ZNF519: variants seen among roughly 807,000 people sequenced by gnomAD.
ZNF519 encodes zinc finger protein 519.
Under a neutral mutation model 7.4 loss-of-function variants are expected in ZNF519, and 7 were observed. The ratio of observed to expected loss-of-function variants is 0.94; its 90% CI spans 0.54 to 1.77. The LOEUF (loss-of-function observed/expected upper bound fraction) is 1.77. ZNF519 is among the 40% of genes most tolerant of loss of function. The pLI, the probability that ZNF519 is intolerant of heterozygous loss-of-function variation, is 0.00. For synonymous variants in ZNF519, 179 were observed against 203.3 expected, an observed-to-expected ratio of 0.88 and a Z score of 1.02; for missense variants, 586 against 623.1, an observed-to-expected ratio of 0.94 and a Z score of 0.63.
In ZNF519 at chr18:14,106,265, T is replaced by A. The variant is rs1202167442; in HGVS notation, c.275A>T (p.Glu92Val). The change falls in exon 3 of 3, where the codon GAA becomes GTA. Residue 92 changes from glutamate to valine, a missense_variant. Glu to Val is a moderately radical substitution (Grantham distance 121). Transcript: ENST00000590202. ...WKNWESIGEG[E>V]GQKECYNLCS... ...TAGATTATAACATTCCTTTTGTCCT[T>A]CACCTTCACCTATACTTTCCCAGTT... 1.9e-6 allele frequency: 3 copies of A among 1,613,516 alleles called. No individual in the cohort carries two copies.
chr18:14,078,088 C>T (rs946204359), intron 4 of ZNF519: 1 of 152,138 alleles, frequency 6.6e-6, no homozygotes, highest in Non-Finnish European at 1.5e-5. Flanking sequence ...ACCTAGATCC[C>T]TCACATGAGC....
At chr18:14,086,161 A>G (rs903433095) in intron 2 of ZNF519, among the ~76,000 whole-genome samples, 1 of 152,214 alleles carries the variant, frequency 6.6e-6, no homozygotes. Flanking sequence ...CTGGCAATGC[A>G]GTGCTGGCAT....
At chr18:14,118,566 G>A (rs1174275929) in intron 2 of ZNF519, among the ~76,000 whole-genome samples, 4 of 152,152 alleles carry the variant, frequency 2.6e-5, no homozygotes, top group Admixed American at 1.3e-4. Context: ...AAACCTTTGT[G>A]GAGCCAAAGA....
In ZNF519 at chr18:14,103,017, T is replaced by C. The variant is rs1361250205; in HGVS notation, c.*1900A>G. The C allele has an allele frequency of 6.6e-6, 1 of 151,970 alleles. No homozygotes were observed. Among genetic ancestry groups the C allele is most frequent in the African/African-American group, 2.4e-5 (1 of 41,402 alleles). 9.4% of individuals were successfully genotyped at this position (151,970 alleles called of 1,614,324 possible). A position where few individuals can be genotyped will look rare whatever the true frequency, so the allele number is the denominator to read the frequency against. On this transcript the variant is annotated 3_prime_UTR_variant, in exon 3 of 3. Transcript: ENST00000590202. ...AAGAAAAATACGTGAGACATAAAAA[T>C]AGAAAGCAAAATGATGCAAATTCAA... is the stretch of plus-strand genomic sequence containing the variant.
At chr18:14,114,409 A>G (rs2046236256) in intron 2 of ZNF519, among the ~76,000 whole-genome samples, 1 of 152,108 alleles carries the variant, frequency 6.6e-6, no homozygotes, top group African/African-American at 2.4e-5. Context: ...TCCTCAATAT[A>G]TATTCTTGAA....
downstream of ZNF519, among the ~76,000 whole-genome samples, chr18:14,096,442 G>A (rs1014830779): frequency 4.6e-5 from 7 of 152,152 alleles, no homozygotes; most frequent in African/African-American, 1.4e-4. Flanking sequence ...TCATTCCCTC[G>A]TGTATAAAGA....
chr18:14,089,817 T>C (rs1466417910), intron 2 of ZNF519: 1 of 152,196 alleles, frequency 6.6e-6, no homozygotes, highest in Non-Finnish European at 1.5e-5. Flanking sequence ...GCCTATTTTA[T>C]TTGTAAATCT....
chr18:14,072,344 C>T (rs1191218715), downstream of ZNF519: 1 of 152,150 alleles, frequency 6.6e-6, no homozygotes, highest in Non-Finnish European at 1.5e-5. Flanking sequence ...ATCATAGCCA[C>T]CCTTTGTGAA....
intron 1 of ZNF519, among the ~76,000 whole-genome samples, chr18:14,131,609 AAAG>A (rs1467369444): frequency 1.3e-5 from 2 of 152,228 alleles, no homozygotes; most frequent in African/African-American, 4.8e-5. Context: ...CTATGTAAAA[AAAG>A]AAATCTAACT....
chr18:14,124,416 C>G lies in ZNF519; in HGVS notation c.64G>C (p.Asp22His). Residue 22 changes from aspartate to histidine, a missense_variant, in exon 2 of 3, where the codon GAC (aspartate) becomes CAC (histidine). Coordinates refer to ENST00000590202, the MANE Select transcript of ZNF519 (RefSeq NM_145287.4). ...CTATATAAATTCTGTTGGGCAGGGTCTAGGCATTTCCACTCTTCTGGAGAG... is the reference window on the plus strand; with the variant it reads ...CTATATAAATTCTGTTGGGCAGGGTGTAGGCATTTCCACTCTTCTGGAGAG... ...EFSPEEWKCL[D>H]PAQQNLYRDV... 6.2e-7 allele frequency: 1 copy of G among 1,613,022 alleles called. No homozygotes were observed. Among genetic ancestry groups the G allele is most frequent in the Non-Finnish European group, 8.5e-7 (1 of 1,179,738 alleles).
Position 14,105,017 on chromosome 18 carries a change from C to A in ZNF519, c.1523G>T (p.Arg508Ile), listed in dbSNP as rs61609068. 362,255 of 1,607,630 alleles carry A rather than the reference C, an allele frequency of 0.23. 46,471 individuals are homozygous for A. The highest frequency in any genetic ancestry group is 0.67 in the East Asian group (30,036 of 44,720). Residue 508 changes from arginine to isoleucine, a missense_variant, in exon 3 of 3, where the codon AGA (arginine) becomes ATA (isoleucine). Coordinates refer to ENST00000590202, the MANE Select transcript of ZNF519 (RefSeq NM_145287.4). The part of the protein sequence containing the change: ...TRSSHLTQHQ[R>I]IHTGEKPFKC... The stretch of plus-strand genomic sequence containing the variant: ...GAAAGGTTTCTCTCCAGTATGAATT[C>A]TCTGATGTTGAGTAAGGTGTGAGCT...
chr18:14,105,762 T>C lies in ZNF519; in HGVS notation c.778A>G (p.Thr260Ala). 6.2e-7 allele frequency: 1 copy of C among 1,613,862 alleles called. No homozygotes were observed. The highest frequency in any genetic ancestry group is 8.5e-7 in the Non-Finnish European group (1 of 1,179,940). The change falls in exon 3 of 3, where the codon ACT becomes GCT. Residue 260 changes from threonine to alanine, a missense_variant. Thr to Ala is a moderately conservative substitution (Grantham distance 58, BLOSUM62 0). Coordinates refer to ENST00000590202, the MANE Select transcript of ZNF519 (RefSeq NM_145287.4). ...TTATATTTCACTGATTTTTCTCCAG[T>C]GTTAATTATCTTATGTCCCTTTAGA... Reference protein sequence around the residue: ...SHLKGHKIINTGEKSVKYKER... With the variant: ...SHLKGHKIINAGEKSVKYKER...
rs2046153608 is a variant in ZNF519, at chr18:14,100,185, G to A, written c.*4732C>T. The stretch of plus-strand genomic sequence containing the variant: ...AATACATATCAGTCAGTATGGCTAA[G>A]AGGATTTGAAAAAACAGAAATTCAT... On this transcript the variant is annotated 3_prime_UTR_variant, in exon 3 of 3. Coordinates refer to ENST00000590202, the MANE Select transcript of ZNF519 (RefSeq NM_145287.4). 6.6e-6 allele frequency: 1 copy of A among 152,142 alleles called. No homozygotes were observed. Among genetic ancestry groups the A allele is most frequent in the South Asian group, 2.1e-4 (1 of 4,828 alleles). 9.4% of individuals were successfully genotyped at this position (152,142 alleles called of 1,614,324 possible). A position where few individuals can be genotyped will look rare whatever the true frequency, so the allele number is the denominator to read the frequency against.
chr18:14,100,061 A>G lies in ZNF519; in HGVS notation c.*4856T>C, dbSNP rs984195141. The G allele has an allele frequency of 6.6e-6, 1 of 152,214 alleles. No individual in the cohort carries two copies. The highest frequency in any genetic ancestry group is 1.5e-5 in the Non-Finnish European group (1 of 68,040). The allele number at this position is 152,214 out of a possible 1,614,324, so 9.4% of individuals were successfully genotyped here. A position where few individuals can be genotyped will look rare whatever the true frequency, so the allele number is the denominator to read the frequency against. ...AGAAAACATGCAGACATGAATAAACATTTCATCAGAGATAATAGGCAGATG... is the reference window on the plus strand; with the variant it reads ...AGAAAACATGCAGACATGAATAAACGTTTCATCAGAGATAATAGGCAGATG... On this transcript the variant is annotated 3_prime_UTR_variant, in exon 3 of 3. Transcript: ENST00000590202.
rs771051210 is a variant in ZNF519 at position 14,105,141 on chromosome 18, T to C, written c.1399A>G (p.Lys467Glu). 6.2e-7 allele frequency: 1 copy of C among 1,613,962 alleles called. No homozygotes were observed. Among genetic ancestry groups the C allele is most frequent in the Non-Finnish European group, 8.5e-7 (1 of 1,179,930 alleles). ...EKSFKCEECG[K>E]AFIWGSHLTQ... is the part of the protein sequence containing the mutation. ...AGGTGTGAGCCCCAGATAAAAGCTTTGCCACATTCTTCACATTTGAAAGAC... is the reference window on the plus strand; with the variant it reads ...AGGTGTGAGCCCCAGATAAAAGCTTCGCCACATTCTTCACATTTGAAAGAC... Residue 467 changes from lysine to glutamate, a missense_variant, in exon 3 of 3, where the codon AAA becomes GAA. Transcript: ENST00000590202.
At chr18:14,117,275 G>A (rs1299848052) in intron 2 of ZNF519, among the ~76,000 whole-genome samples, 3 of 152,172 alleles carry the variant, frequency 2.0e-5, no homozygotes, top group Non-Finnish European at 4.4e-5. Flanking sequence ...AAATGGACAA[G>A]AGATTAAAAT....
At chr18:14,124,807 G>A (rs1233556082) in intron 1 of ZNF519, among the ~76,000 whole-genome samples, 1 of 152,036 alleles carries the variant, frequency 6.6e-6, no homozygotes, top group Non-Finnish European at 1.5e-5. Flanking sequence ...CCTCACTGCA[G>A]AATCATGCGA....
intron 1 of ZNF519, among the ~76,000 whole-genome samples, chr18:14,128,443 A>G (rs1244851099): frequency 2.0e-5 from 3 of 152,198 alleles, no homozygotes; most frequent in Admixed American, 6.5e-5. Flanking sequence ...ATTCAACTGT[A>G]CCATTTGTCA....
chr18:14,075,311 G>T (rs758487326), downstream of ZNF519: 1 of 152,170 alleles, frequency 6.6e-6, no homozygotes, highest in Non-Finnish European at 1.5e-5. Context: ...TGCCAGTCAC[G>T]TGCGGTTACC....
Sources: gnomAD v4.1 joint callset for allele counts (sites outside exome capture counted in the v4.1 genomes callset) on GRCh38, gnomAD v4.1.1 for gene constraint, MANE v1.5 for transcripts, NCBI Gene and HGNC (gene_info 2026-07-23, HGNC 2026-07-21) for gene names.